The following INSRR variants were observed in gnomAD, a reference collection of about 807,000 sequenced individuals.
INSRR encodes the protein insulin receptor related receptor.
A neutral mutation model predicts 130.0 loss-of-function variants in INSRR; 114 were observed. The observed-to-expected ratio is 0.88, with a 90% CI of 0.75 to 1.02. The LOEUF is 1.02. Ranked by LOEUF, INSRR falls within the 50% of genes least tolerant of loss-of-function variation. INSRR has a pLI of 0.00. For missense variants in INSRR, 1,657 were observed against 1,735.2 expected, an observed-to-expected ratio of 0.95 and a Z score of 0.80; for synonymous variants, 674 against 705.2, an observed-to-expected ratio of 0.96 and a Z score of 0.70.
chr1:156,854,639 A>G lies in INSRR; in HGVS notation c.86-336T>C, dbSNP rs1655346582. Among the ~76,000 whole-genome samples, 1 of 152,124 alleles carries G rather than the reference A, an allele frequency of 6.6e-6. No individual in the cohort carries two copies. Among genetic ancestry groups the G allele is most frequent in the Non-Finnish European group, 1.5e-5 (1 of 68,018 alleles). On this transcript the variant is annotated intron_variant, in intron 1 of 21. Coordinates refer to ENST00000368195, the MANE Select transcript of INSRR (RefSeq NM_014215.3). The surrounding 1 kb of genome is among the most constrained non-coding windows in gnomAD (Gnocchi z 4.2). ...CGACTTCATTCTTGCAGTCACCCTTAACACCTTTCTTTTTCACCTTGTACG... is the reference window on the plus strand; with the variant it reads ...CGACTTCATTCTTGCAGTCACCCTTGACACCTTTCTTTTTCACCTTGTACG...
At position 156,851,756 on chromosome 1, in the gene INSRR, G is replaced by A. The variant is rs1223696020; in HGVS notation, c.974C>T (p.Pro325Leu). The A allele has an allele frequency of 1.2e-6, 2 of 1,613,538 alleles. No homozygotes were observed. Among genetic ancestry groups the A allele is most frequent in the Admixed American group, 1.7e-5 (1 of 60,002 alleles). The change falls in exon 4 of 22, where the codon CCT becomes CTT. Residue 325 changes from proline to leucine, a missense_variant. Transcript: ENST00000368195. The stretch of plus-strand genomic sequence containing the variant: ...CTTGGTGCCTACCTTGCACTCTTTA[G>A]GGCACAGCCCCTCGCACTTGTGGCA... ...IFCHKCEGLC[P>L]KECKVGTKTI...
Position 156,842,155 on chromosome 1 carries a change from G to A in INSRR, c.3354C>T (p.Ala1118=). 6.2e-7 allele frequency: 1 copy of A among 1,614,082 alleles called. No individual in the cohort carries two copies. The highest frequency in any genetic ancestry group is 8.5e-7 in the Non-Finnish European group (1 of 1,179,994). ...ANKFVHRDLA[A]RNCMVSQDFT... is the part of the protein sequence containing the mutation. ...AGTCCTGGGACACCATGCAGTTGCG[G>A]GCTGCTAGATCTCGGTGCACAAACT... The change falls in exon 19 of 22, where the codon GCC becomes GCT. Residue 1118 remains alanine, a synonymous_variant. Transcript: ENST00000368195.
At position 156,842,107 on chromosome 1, in the gene INSRR, TG is replaced by T. The variant is rs1451820799; in HGVS notation, c.3397+4del. The T allele has an allele frequency of 2.5e-6, 4 of 1,613,944 alleles. No homozygotes were observed. The highest frequency in any genetic ancestry group is 3.4e-6 in the Non-Finnish European group (4 of 1,179,954). On this transcript the variant is annotated splice_donor_region_variant and intron_variant, in intron 19 of 21. Coordinates refer to ENST00000368195, the MANE Select transcript of INSRR (RefSeq NM_014215.3). Reference sequence around the variant, plus strand: ...CCGCCCTCATCTGCCTGGCACCCTCTGTACCCCCGATCTTGACGGTGAAGTC... The same window carrying T: ...CCGCCCTCATCTGCCTGGCACCCTCTTACCCCCGATCTTGACGGTGAAGTC...
At position 156,854,204 on chromosome 1, in the gene INSRR, G is replaced by A. The variant is rs767221765; in HGVS notation, c.185C>T (p.Thr62Ile). Reference protein sequence around the residue: ...EGHLQILLMFTATGEDFRGLS... With the variant: ...EGHLQILLMFIATGEDFRGLS... ...GCCGCGGAAGTCCTCCCCGGTGGCT[G>A]TGAACATGAGCAGGATCTGCAGGTG... Residue 62 changes from threonine (T) to isoleucine (I), a missense_variant, in exon 2 of 22, where the codon ACA (threonine) becomes ATA (isoleucine). Thr to Ile is a moderately conservative substitution (Grantham distance 89). Transcript: ENST00000368195. The surrounding 1 kb of genome is among the most constrained non-coding windows in gnomAD (Gnocchi z 4.2). 4.7e-5 allele frequency: 76 copies of A among 1,613,950 alleles called. No individual in the cohort carries two copies. Among genetic ancestry groups the A allele is most frequent in the Non-Finnish European group, 6.4e-5 (75 of 1,180,020 alleles).
At position 156,842,161 on chromosome 1, in the gene INSRR, T is replaced by C. The variant is rs758128799; in HGVS notation, c.3348A>G (p.Leu1116=). 38 of 1,613,934 alleles carry C rather than the reference T, an allele frequency of 2.4e-5. No individual in the cohort carries two copies. Among genetic ancestry groups the C allele is most frequent in the Non-Finnish European group, 3.1e-5 (37 of 1,180,004 alleles). The change falls in exon 19 of 22, where the codon CTA becomes CTG. Residue 1116 remains leucine, a synonymous_variant. Coordinates refer to ENST00000368195, the MANE Select transcript of INSRR (RefSeq NM_014215.3). ...LAANKFVHRD[L]AARNCMVSQD... is the part of the protein sequence containing the mutation. Reference sequence around the variant, plus strand: ...GGGACACCATGCAGTTGCGGGCTGCTAGATCTCGGTGCACAAACTTGTTGG... The same window carrying C: ...GGGACACCATGCAGTTGCGGGCTGCCAGATCTCGGTGCACAAACTTGTTGG...
chr1:156,842,692 T>C (rs140002930), intron 17 of INSRR, among the ~76,000 whole-genome samples, 184 bp from the exon 18 acceptor site: 68 of 152,312 alleles, frequency 4.5e-4, no homozygotes, highest in African/African-American at 1.6e-3. Flanking sequence ...TCATCATATC[T>C]GATGATCATC....
chr1:156,855,212 T>TATCTATCTATCTATCTATCTATCTATC (rs60194471), intron 1 of INSRR, among the ~76,000 whole-genome samples: 3 of 28,570 alleles, frequency 1.1e-4, no homozygotes, highest in Non-Finnish European at 1.0e-4. Context: ...ATCTATCTAT[T>TATCTATCTATCTATCTATCTATCTATC]TATTTATTTG....
chr1:156,850,721 C>T (rs1246337991), intron 5 of INSRR, among the ~76,000 whole-genome samples: 1 of 149,474 alleles, frequency 6.7e-6, no homozygotes, highest in Non-Finnish European at 1.5e-5. Flanking sequence ...TGCCCATCTA[C>T]TTTTTTTGTA....
At chr1:156,844,395 C>T (rs1345048064) in intron 14 of INSRR, 67 bp downstream of exon 14, 1 of 1,575,504 alleles carries the variant, frequency 6.3e-7, no homozygotes, top group African/African-American at 1.3e-5. Flanking sequence ...GGGGAGGGGC[C>T]TGTGGTGGGC....
chr1:156,842,335 G>A, intron 18 of INSRR, 63 bp downstream of exon 18: 1 of 1,612,708 alleles, frequency 6.2e-7, no homozygotes, highest in Non-Finnish European at 8.5e-7. Context: ...TCCAGAACTG[G>A]CCCCCACCTC....
rs777577766 is a variant in INSRR, at chr1:156,854,123, T to TA, written c.265dup (p.Tyr89LeufsTer31). On this transcript the variant is annotated frameshift_variant, in exon 2 of 22. Transcript: ENST00000368195. LOFTEE classifies it high-confidence loss of function. This position sits in a 1 kb window ranked among gnomAD's most constrained non-coding sequence, Gnocchi z 4.2. ...GAGGTCGCGCAGGCTCTCCAGTCCG[T>TA]AGACACGGAAGAGCAGCAGGTAGTC... The TA allele has an allele frequency of 6.2e-6, 10 of 1,613,994 alleles. No homozygotes were observed. Among genetic ancestry groups the TA allele is most frequent in the Non-Finnish European group, 7.6e-6 (9 of 1,180,032 alleles).
rs576843999 is a variant in INSRR at position 156,846,777 on chromosome 1, G to A, written c.1572-20C>T. 1.3e-6 allele frequency: 2 copies of A among 1,592,046 alleles called. No homozygotes were observed. The highest frequency in any genetic ancestry group is 1.7e-6 in the Non-Finnish European group (2 of 1,160,474). On this transcript the variant is annotated intron_variant, in intron 7 of 21. Transcript: ENST00000368195. Reference sequence around the variant, plus strand: ...AATGGGCTGAACACCCATCCCCAGAGCTGAGGGGTCATTCAACCCCACCCT... The same window carrying A: ...AATGGGCTGAACACCCATCCCCAGAACTGAGGGGTCATTCAACCCCACCCT...
At chr1:156,844,342 G>A in intron 14 of INSRR, 62 bp from the exon 15 acceptor site, 1 of 1,555,702 alleles carries the variant, frequency 6.4e-7, no homozygotes, top group Non-Finnish European at 8.8e-7. Context: ...GGAAGGTCAT[G>A]CTTCTCTTTC....
intron 14 of INSRR, 75 bp downstream of exon 14, chr1:156,844,387 G>A (rs1041933921): frequency 7.6e-6 from 12 of 1,570,776 alleles, no homozygotes; most frequent in Middle Eastern, 1.8e-4. Flanking sequence ...GGGATGCGGG[G>A]GAGGGGCCTG....
At chr1:156,857,509 A>G (rs1052344078) in intron 1 of INSRR, among the ~76,000 whole-genome samples, 7 of 152,108 alleles carry the variant, frequency 4.6e-5, no homozygotes, top group Non-Finnish European at 1.0e-4. Context: ...TAGCCCCTCC[A>G]AGGATGTGCT....
intron 1 of INSRR, among the ~76,000 whole-genome samples, chr1:156,858,191 G>A (rs1655477756): frequency 6.6e-6 from 1 of 152,294 alleles, no homozygotes; most frequent in South Asian, 2.1e-4. Context: ...TCCCACCCCT[G>A]CCTCTTCCCA....
intron 20 of INSRR, 42 bp downstream of exon 20, chr1:156,841,623 G>A (rs928421594): frequency 8.7e-6 from 14 of 1,609,496 alleles, no homozygotes; most frequent in East Asian, 2.2e-5. Context: ...CCCAGATCCC[G>A]CCTCCACATC....
Position 156,853,937 on chromosome 1 carries a change from G to C in INSRR, c.452C>G (p.Ser151Cys). 2 of 1,613,936 alleles carry C rather than the reference G, an allele frequency of 1.2e-6. No homozygotes were observed. The highest frequency in any genetic ancestry group is 1.7e-6 in the Non-Finnish European group (2 of 1,179,866). The stretch of plus-strand genomic sequence containing the variant: ...CTGCAGCAGTCCCCAGTCAATGGTG[G>C]AGAGGTGGCAGAGCTCCTGGTTCTT... ...VEKNQELCHL[S>C]TIDWGLLQPA... Residue 151 changes from serine to cysteine, a missense_variant, in exon 2 of 22, where the codon TCC becomes TGC. Ser to Cys is a moderately radical substitution (Grantham distance 112). Transcript: ENST00000368195.
chr1:156,857,983 G>T (rs1288400622), intron 1 of INSRR, among the ~76,000 whole-genome samples: 1 of 152,114 alleles, frequency 6.6e-6, no homozygotes, highest in Non-Finnish European at 1.5e-5. Flanking sequence ...GCCCTGGGGT[G>T]TTGAGGAAGA....
Sources: gnomAD v4.1 joint callset for allele counts (sites outside exome capture counted in the v4.1 genomes callset) on GRCh38, gnomAD v4.1.1 for gene constraint, Gnocchi (gnomAD v3.1) non-coding constraint, MANE v1.5 for transcripts, NCBI Gene and HGNC (gene_info 2026-07-23, HGNC 2026-07-21) for gene names.